The following SLC71A2 variants were observed in gnomAD, a reference collection of about 807,000 sequenced individuals.
The protein encoded by SLC71A2 is hippocampus abundant transcript-like 1.
chr9:94,388,141 A>AG, the SLC71A2 span, among the ~76,000 whole-genome samples: 104,811 of 151,794 alleles, frequency 0.69, 36,527 homozygotes, highest in Middle Eastern at 0.76. Context: ...TGTTCCCTGA[A>AG]AAAAATAGTG....
the SLC71A2 span, among the ~76,000 whole-genome samples, chr9:94,417,356 G>A: frequency 7.9e-5 from 12 of 152,172 alleles, no homozygotes; most frequent in African/African-American, 2.7e-4. Context: ...GGCCGGGCGC[G>A]GAGGCTCACG....
chr9:94,456,967 C>A, the SLC71A2 span, among the ~76,000 whole-genome samples: 1 of 148,258 alleles, frequency 6.7e-6, no homozygotes, highest in East Asian at 2.0e-4. Flanking sequence ...CTTCCTCCCC[C>A]CACCCCCCAC....
At chr9:94,398,244 T>C in the SLC71A2 span, among the ~76,000 whole-genome samples, 9 of 150,076 alleles carry the variant, frequency 6.0e-5, no homozygotes, top group South Asian at 8.5e-4. Flanking sequence ...AAAACACTTA[T>C]GTTCCTGGAC....
chr9:94,458,383 G>T, the SLC71A2 span: 17 of 1,614,020 alleles, frequency 1.1e-5, no homozygotes, highest in Middle Eastern at 2.0e-3. Context: ...GGCCAGCACT[G>T]TATGGCTTCA....
chr9:94,393,785 T>A, the SLC71A2 span, among the ~76,000 whole-genome samples: 3 of 133,448 alleles, frequency 2.2e-5, no homozygotes, highest in Non-Finnish European at 1.7e-5. Context: ...TATAGGATAA[T>A]TATACTTTTT....
the SLC71A2 span, among the ~76,000 whole-genome samples, chr9:94,393,019 C>CT: frequency 1.3e-5 from 2 of 152,144 alleles, no homozygotes; most frequent in Admixed American, 1.3e-4. Context: ...CCTCTGAACT[C>CT]TTCTTGGCCA....
At chr9:94,455,862 G>T in the SLC71A2 span, among the ~76,000 whole-genome samples, 1 of 151,926 alleles carries the variant, frequency 6.6e-6, no homozygotes, top group African/African-American at 2.4e-5. Context: ...GCCTTCAAGA[G>T]GTACAAAGAA....
At chr9:94,421,978 A>G in the SLC71A2 span, among the ~76,000 whole-genome samples, 1 of 152,126 alleles carries the variant, frequency 6.6e-6, no homozygotes, top group African/African-American at 2.4e-5. Context: ...CAGTTGCGCT[A>G]TCTCGGCTCA....
At chr9:94,410,217 T>C in the SLC71A2 span, among the ~76,000 whole-genome samples, 1 of 151,766 alleles carries the variant, frequency 6.6e-6, no homozygotes, top group Non-Finnish European at 1.5e-5. Flanking sequence ...TGCCTCAGTC[T>C]CCTGAGGAGG....
At chr9:94,451,753 G>T in the SLC71A2 span, among the ~76,000 whole-genome samples, 1 of 152,120 alleles carries the variant, frequency 6.6e-6, no homozygotes, top group Non-Finnish European at 1.5e-5. Context: ...ATGTGTAGAG[G>T]TTATTTTCTT....
At chr9:94,408,936 C>T in the SLC71A2 span, among the ~76,000 whole-genome samples, 1 of 150,822 alleles carries the variant, frequency 6.6e-6, no homozygotes, top group African/African-American at 2.4e-5. Context: ...AAGCGATTCT[C>T]CTGCCTCAGT....
chr9:94,404,138 G>A, the SLC71A2 span, among the ~76,000 whole-genome samples: 2 of 152,086 alleles, frequency 1.3e-5, no homozygotes, highest in African/African-American at 4.8e-5. Context: ...GAAAATAAAT[G>A]TCTGTTATTT....
chr9:94,418,395 TATA>T, the SLC71A2 span, among the ~76,000 whole-genome samples: 1 of 152,094 alleles, frequency 6.6e-6, no homozygotes, highest in African/African-American at 2.4e-5. Flanking sequence ...ATTTCTTTTT[TATA>T]ATTTTTATAT....
the SLC71A2 span, chr9:94,432,910 A>G: frequency 2.5e-6 from 1 of 393,900 alleles, no homozygotes; most frequent in African/African-American, 2.1e-5. Context: ...GAGGATGCTC[A>G]TACATCTTGG....
At chr9:94,419,526 C>A in the SLC71A2 span, among the ~76,000 whole-genome samples, 1 of 152,046 alleles carries the variant, frequency 6.6e-6, no homozygotes, top group African/African-American at 2.4e-5. Context: ...AGGATGGTCT[C>A]GATCTCCTGA....
the SLC71A2 span, among the ~76,000 whole-genome samples, chr9:94,408,457 A>G: frequency 6.6e-6 from 1 of 152,146 alleles, no homozygotes; most frequent in African/African-American, 2.4e-5. Flanking sequence ...TCTCCTCTTC[A>G]TGTCTTGGGA....
chr9:94,387,463 T>C, the SLC71A2 span, among the ~76,000 whole-genome samples: 2 of 152,078 alleles, frequency 1.3e-5, no homozygotes, highest in African/African-American at 2.4e-5. Context: ...TTCTAATCAA[T>C]GTTCTAAGGA....
chr9:94,414,384 T>C, the SLC71A2 span, among the ~76,000 whole-genome samples: 11 of 152,324 alleles, frequency 7.2e-5, no homozygotes, highest in African/African-American at 2.6e-4. Context: ...ATCCTCTGCT[T>C]CTAAACATCT....
chr9:94,439,641 TATA>T, the SLC71A2 span, among the ~76,000 whole-genome samples: 1 of 152,018 alleles, frequency 6.6e-6, no homozygotes, highest in African/African-American at 2.4e-5. Context: ...ATTGGGTACT[TATA>T]ATCATTTTAT....
Sources: allele counts gnomAD v4.1 joint callset (sites outside exome capture counted in the v4.1 genomes callset), GRCh38; gene constraint gnomAD v4.1.1; transcripts MANE v1.5; gene names NCBI Gene and HGNC (gene_info 2026-07-23, HGNC 2026-07-21).